TASOR2: variants seen among roughly 807,000 people sequenced by gnomAD.
TASOR2 encodes protein TASOR 2.
Under a neutral mutation model 199.5 loss-of-function variants are expected in TASOR2, and 84 were observed. That is an observed-to-expected ratio of 0.42 (90% confidence interval 0.35 to 0.50). The LOEUF (loss-of-function observed/expected upper bound fraction) is 0.50, where lower values mean the gene tolerates loss of function less well. Ranked by LOEUF, TASOR2 falls within the 20% of genes least tolerant of loss-of-function variation. The pLI is 0.02. For synonymous variants in TASOR2, 1,103 were observed against 1,046.6 expected (o/e 1.05, Z -1.04); for missense variants, 2,796 against 2,835.9 (o/e 0.99, Z 0.32).
At position 5,742,315 on chromosome 10, in the gene TASOR2, C is replaced by T; in HGVS notation, c.2546C>T (p.Ala849Val). 2.5e-6 allele frequency: 4 copies of T among 1,614,168 alleles called. No individual in the cohort carries two copies. Among genetic ancestry groups the T allele is most frequent in the Non-Finnish European group, 3.4e-6 (4 of 1,180,020 alleles). The change falls in exon 14 of 21, where the codon GCA (alanine) becomes GTA (valine). Residue 849 changes from alanine (A) to valine (V), a missense_variant. Physicochemically the swap from Ala to Val is moderately conservative, Grantham distance 64 (BLOSUM62 0). Coordinates refer to ENST00000328090, the Ensembl canonical transcript of TASOR2. This position sits in a 1 kb window ranked among gnomAD's most constrained non-coding sequence, Gnocchi z 4.2. Reference sequence around the variant, plus strand: ...TCCCTTGGTTTGGAAAAATGTTCTGCAGACTCTCTGTTGGAGACTAACGAA... The same window carrying T: ...TCCCTTGGTTTGGAAAAATGTTCTGTAGACTCTCTGTTGGAGACTAACGAA...
In TASOR2 at chr10:5,742,395, C is replaced by G; in HGVS notation, c.2626C>G (p.Pro876Ala). Residue 876 changes from proline to alanine, a missense_variant, in exon 14 of 21, where the codon CCT becomes GCT. Coordinates refer to ENST00000328090, the Ensembl canonical transcript of TASOR2. This position sits in a 1 kb window ranked among gnomAD's most constrained non-coding sequence, Gnocchi z 4.2. The stretch of plus-strand genomic sequence containing the variant: ...CTTCCGTGATCCTAACTGCTTGCTT[C>G]CTTTCATTAAAACACCACTTACCCA... 1 of 1,614,050 alleles carries G rather than the reference C, an allele frequency of 6.2e-7. No individual in the cohort carries two copies. The highest frequency in any genetic ancestry group is 1.1e-5 in the South Asian group (1 of 91,082).
chr10:5,711,351 C>T (rs1831882982), intron 1 of TASOR2, among the ~76,000 whole-genome samples: 1 of 151,966 alleles, frequency 6.6e-6, no homozygotes. Flanking sequence ...AATTTTTGAA[C>T]TTTAATACAT....
At chr10:5,727,550 C>T (rs530129602) in intron 10 of TASOR2, among the ~76,000 whole-genome samples, 1 of 152,164 alleles carries the variant, frequency 6.6e-6, no homozygotes, top group African/African-American at 2.4e-5. Flanking sequence ...CAAAATTTGG[C>T]TCCTGGGGGC....
intron 1 of TASOR2, among the ~76,000 whole-genome samples, chr10:5,693,229 C>T (rs1352718750): frequency 6.6e-6 from 1 of 152,170 alleles, no homozygotes; most frequent in Non-Finnish European, 1.5e-5. Flanking sequence ...TGGTGGAGCC[C>T]TTGCAGAACC....
chr10:5,709,629 A>AG, intron 1 of TASOR2: 1 of 1,231,128 alleles, frequency 8.1e-7, no homozygotes. Context: ...ATTCTCTCTT[A>AG]GAGAAGATCG....
At chr10:5,757,788 C>A (rs908203150) in intron 17 of TASOR2, 115 bp downstream of exon 18, 1 of 1,118,840 alleles carries the variant, frequency 8.9e-7, no homozygotes, top group Non-Finnish European at 1.3e-6. Context: ...ATCAGTTGCC[C>A]CCTACTGAGG....
At position 5,724,496 on chromosome 10, in the gene TASOR2, T is replaced by C. The variant is rs371027335; in HGVS notation, c.314T>C (p.Ile105Thr). The change falls in exon 8 of 21, where the codon ATA becomes ACA. Residue 105 changes from isoleucine to threonine, a missense_variant. Ile to Thr is a moderately conservative substitution (Grantham distance 89). Transcript: ENST00000328090. ...CTGTCAAACAGACAAGGGGAAAATA[T>C]AGATAAATTAACAGAATGTATTAAA... 113 of 1,518,606 alleles carry C rather than the reference T, an allele frequency of 7.4e-5. No individual in the cohort carries two copies. The highest frequency in any genetic ancestry group is 9.5e-5 in the Non-Finnish European group (108 of 1,136,086). 94.1% of individuals were successfully genotyped at this position (1,518,606 alleles called of 1,614,324 possible). A position where few individuals can be genotyped will look rare whatever the true frequency, so the allele number is the denominator to read the frequency against.
At chr10:5,725,574 C>G (rs1011092020) in intron 8 of TASOR2, among the ~76,000 whole-genome samples, 2 of 151,610 alleles carry the variant, frequency 1.3e-5, no homozygotes, top group African/African-American at 4.9e-5. Flanking sequence ...TGAGACCAGC[C>G]TGGGCAACAT....
chr10:5,723,611 C>T, intron 6 of TASOR2, 66 bp from the exon 8 acceptor site: 3 of 1,053,294 alleles, frequency 2.8e-6, no homozygotes, highest in East Asian at 5.8e-5. Flanking sequence ...ATTAGAAAAC[C>T]AAAACTTAAG....
chr10:5,715,878 T>C (rs1832563701), intron 2 of TASOR2, among the ~76,000 whole-genome samples: 1 of 152,164 alleles, frequency 6.6e-6, no homozygotes, highest in Non-Finnish European at 1.5e-5. Context: ...CCTGACCTCA[T>C]GGTCAGCCCT....
chr10:5,720,573 C>G lies in TASOR2; in HGVS notation c.-70C>G. 1 of 1,605,672 alleles carries G rather than the reference C, an allele frequency of 6.2e-7. No homozygotes were observed. Among genetic ancestry groups the G allele is most frequent in the Non-Finnish European group, 8.5e-7 (1 of 1,177,064 alleles). On this transcript the variant is annotated 5_prime_UTR_variant, in exon 4 of 21. Transcript: ENST00000328090. The surrounding 1 kb of genome is among the most constrained non-coding windows in gnomAD (Gnocchi z 5.3). ...ACTTTTACGAACTTTCAGGCAACACCGTTATTGAACGACCCAGACAGATCT... is the reference window on the plus strand; with the variant it reads ...ACTTTTACGAACTTTCAGGCAACACGGTTATTGAACGACCCAGACAGATCT...
rs1935806049 is a variant in TASOR2, at chr10:5,752,259, A to T, written c.6606+2232A>T. On this transcript the variant is annotated intron_variant, in intron 15 of 20. Transcript: ENST00000328090. This position sits in a 1 kb window ranked among gnomAD's most constrained non-coding sequence, Gnocchi z 4.4. ...AAACACTGATTAAAAGAGTCACACA[A>T]ATAAATGTGAAATGAAAGTGATGGT... 6.6e-6 allele frequency among the ~76,000 whole-genome samples: 1 copy of T among 152,234 alleles called. No homozygotes were observed. Among genetic ancestry groups the T allele is most frequent in the Non-Finnish European group, 1.5e-5 (1 of 68,040 alleles).
intron 1 of TASOR2, chr10:5,712,614 A>C (rs2131550134): frequency 8.5e-7 from 1 of 1,175,658 alleles, no homozygotes; most frequent in East Asian, 3.2e-5. Flanking sequence ...TTTGGTATAT[A>C]AGCCTAGCAC....
chr10:5,726,780 A>G (rs1834105561), intron 8 of TASOR2, 105 bp from the exon 10 acceptor site: 2 of 970,010 alleles, frequency 2.1e-6, no homozygotes, highest in African/African-American at 3.3e-5. Flanking sequence ...CATTTGCAGA[A>G]TTTTTTCTTT....
chr10:5,753,190 C>A (rs1363436435), intron 15 of TASOR2, among the ~76,000 whole-genome samples: 5 of 152,152 alleles, frequency 3.3e-5, no homozygotes, highest in Non-Finnish European at 5.9e-5. Flanking sequence ...ACTGCCTTAA[C>A]GTGAAACTCC....
At chr10:5,692,944 C>G (rs549473611) in intron 1 of TASOR2, 4 of 152,416 alleles carry the variant, frequency 2.6e-5, no homozygotes, top group Admixed American at 1.3e-4. Flanking sequence ...GCCTAGGTCT[C>G]CCACATGCTG....
chr10:5,754,456 C>T lies in TASOR2; in HGVS notation c.6607-2157C>T, dbSNP rs990851143. Among the ~76,000 whole-genome samples the T allele has an allele frequency of 2.0e-5, 3 of 151,874 alleles. No homozygotes were observed. The highest frequency in any genetic ancestry group is 2.9e-5 in the Non-Finnish European group (2 of 68,006). On this transcript the variant is annotated intron_variant, in intron 15 of 20. Transcript: ENST00000328090. This position sits in a 1 kb window ranked among gnomAD's most constrained non-coding sequence, Gnocchi z 4.3. Reference sequence around the variant, plus strand: ...CCAGGCTGGAGTGCAGTGGCGCGATCTCAGCTCACTGCAGCCTCCGTCTTC... The same window carrying T: ...CCAGGCTGGAGTGCAGTGGCGCGATTTCAGCTCACTGCAGCCTCCGTCTTC...
chr10:5,704,847 C>T (rs1588639800), intron 1 of TASOR2, among the ~76,000 whole-genome samples: 1 of 152,136 alleles, frequency 6.6e-6, no homozygotes. Flanking sequence ...AATTTCCAAA[C>T]ATGAGGCTTT....
At chr10:5,732,973 A>C (rs1213863623) in intron 11 of TASOR2, among the ~76,000 whole-genome samples, 1 of 152,210 alleles carries the variant, frequency 6.6e-6, no homozygotes, top group Non-Finnish European at 1.5e-5. Context: ...CTATACAACT[A>C]TCTGTAAAAC....
Sources: allele counts gnomAD v4.1 joint callset (sites outside exome capture counted in the v4.1 genomes callset), GRCh38; gene constraint gnomAD v4.1.1; non-coding constraint Gnocchi (gnomAD v3.1); transcripts MANE v1.5; gene names NCBI Gene and HGNC (gene_info 2026-07-23, HGNC 2026-07-21).